NR3C2: variants seen among roughly 807,000 people sequenced by gnomAD.
The protein encoded by NR3C2 is nuclear receptor subfamily 3 group C member 2.
NR3C2 carries 15 observed loss-of-function variants against 86.4 expected under a neutral mutation model. The observed-to-expected ratio is 0.17, with a 90% CI of 0.12 to 0.27. The LOEUF is 0.27. Among genes scored for constraint, NR3C2 ranks in the 10% least tolerant of loss-of-function variants. The pLI, the probability that NR3C2 is intolerant of heterozygous loss-of-function variation, is 1.00. For synonymous variants in NR3C2, 458 were observed against 450.5 expected (o/e 1.02, Z -0.21); for missense variants, 960 against 1,195.6 (o/e 0.80, Z 2.91).
chr4:148,154,967 G>C, intron 4 of NR3C2, 66 bp from the exon 5 acceptor site: 4 of 1,285,270 alleles, frequency 3.1e-6, no homozygotes, highest in Non-Finnish European at 4.4e-6. Flanking sequence ...ACTCACACTG[G>C]TTAAAGTACA....
intron 3 of NR3C2, among the ~76,000 whole-genome samples, chr4:148,216,263 G>A (rs1036896207): frequency 1.3e-5 from 2 of 152,032 alleles, no homozygotes; most frequent in Non-Finnish European, 2.9e-5. Flanking sequence ...TACAAAAATA[G>A]TCAGGGGGCC....
chr4:148,118,904 C>G (rs977564094), intron 7 of NR3C2, among the ~76,000 whole-genome samples: 5 of 152,138 alleles, frequency 3.3e-5, no homozygotes, highest in African/African-American at 1.2e-4. Flanking sequence ...GGTAATACCC[C>G]CCATTATTTC....
chr4:148,236,809 C>G (rs1360211749), intron 3 of NR3C2, among the ~76,000 whole-genome samples: 1 of 152,184 alleles, frequency 6.6e-6, no homozygotes, highest in Non-Finnish European at 1.5e-5. Flanking sequence ...TACACCAAAA[C>G]TTTCCCAGGC....
chr4:148,081,595 T>C, intron 8 of NR3C2, 96 bp from the exon 9 acceptor site: 1 of 1,547,214 alleles, frequency 6.5e-7, no homozygotes, highest in Non-Finnish European at 8.9e-7. Context: ...AATGACAACA[T>C]TTAGAAAGCC....
chr4:148,330,617 G>A (rs971800190), intron 2 of NR3C2, among the ~76,000 whole-genome samples: 1 of 152,106 alleles, frequency 6.6e-6, no homozygotes, highest in Admixed American at 6.5e-5. Flanking sequence ...CCTATGTTTC[G>A]CACTAATGTG....
Position 148,155,964 on chromosome 4 carries a change from G to T in NR3C2, c.2015-1063C>A, listed in dbSNP as rs535327236. On this transcript the variant is annotated intron_variant, in intron 4 of 8. Coordinates refer to ENST00000358102, the MANE Select transcript of NR3C2 (RefSeq NM_000901.5). Reference sequence around the variant, plus strand: ...GCCCTCAGAAATAACGCCACATATCGACAACTATCTGATCTTTGACAAACC... The same window carrying T: ...GCCCTCAGAAATAACGCCACATATCTACAACTATCTGATCTTTGACAAACC... 2.1e-3 allele frequency among the ~76,000 whole-genome samples: 319 copies of T among 152,112 alleles called. 3 individuals are homozygous for T. Among genetic ancestry groups the T allele is most frequent in the African/African-American group, 6.4e-3 (266 of 41,450 alleles).
chr4:148,119,603 T>C (rs747310003), intron 7 of NR3C2, among the ~76,000 whole-genome samples: 4 of 152,136 alleles, frequency 2.6e-5, no homozygotes, highest in Non-Finnish European at 5.9e-5. Context: ...CTGGCCAACA[T>C]GGTGAAAGCC....
chr4:148,201,897 C>T (rs1331567621), intron 3 of NR3C2, among the ~76,000 whole-genome samples: 1 of 152,134 alleles, frequency 6.6e-6, no homozygotes. Flanking sequence ...ACCCTTTTAT[C>T]AAGCAAGACA....
chr4:148,224,073 G>GA (rs1738010243), intron 3 of NR3C2, among the ~76,000 whole-genome samples: 1 of 151,734 alleles, frequency 6.6e-6, no homozygotes, highest in South Asian at 2.1e-4. Flanking sequence ...GAAAAGACCA[G>GA]AGAGTCAAGA....
chr4:148,212,152 T>C (rs1353296386), intron 3 of NR3C2, among the ~76,000 whole-genome samples: 4 of 152,220 alleles, frequency 2.6e-5, no homozygotes, highest in Non-Finnish European at 5.9e-5. Context: ...CAGCACTGCA[T>C]TATCTTAATT....
chr4:148,154,924 AG>A, intron 4 of NR3C2, 23 bp from the exon 5 acceptor site: 1 of 1,529,356 alleles, frequency 6.5e-7, no homozygotes, highest in Non-Finnish European at 8.8e-7. Context: ...ATAAATGATA[AG>A]GCCAAATTAA....
At chr4:148,391,403 C>A (rs1747547670) in intron 2 of NR3C2, among the ~76,000 whole-genome samples, 1 of 152,108 alleles carries the variant, frequency 6.6e-6, no homozygotes, top group Non-Finnish European at 1.5e-5. Context: ...CAAATACTGT[C>A]TTTGGCCTTG....
At chr4:148,236,095 T>C (rs1259537248) in intron 3 of NR3C2, among the ~76,000 whole-genome samples, 3 of 152,174 alleles carry the variant, frequency 2.0e-5, no homozygotes, top group Non-Finnish European at 4.4e-5. Context: ...TGACGTCCCC[T>C]TGGGAATGGC....
intron 6 of NR3C2, among the ~76,000 whole-genome samples, chr4:148,145,434 T>C (rs1733822350): frequency 6.6e-6 from 1 of 152,202 alleles, no homozygotes; most frequent in African/African-American, 2.4e-5. Flanking sequence ...ACACTTGATC[T>C]CCCAAGTCAC....
chr4:148,227,143 T>G (rs1738216908), intron 3 of NR3C2, among the ~76,000 whole-genome samples: 1 of 152,184 alleles, frequency 6.6e-6, no homozygotes, highest in African/African-American at 2.4e-5. Context: ...CTTTTCGTGG[T>G]TCAGGGTCCA....
chr4:148,321,779 C>T (rs1268920252), intron 2 of NR3C2, among the ~76,000 whole-genome samples: 3 of 152,150 alleles, frequency 2.0e-5, no homozygotes, highest in South Asian at 2.1e-4. Flanking sequence ...TGTCTCTGCA[C>T]ATGAGATGGG....
At chr4:148,109,574 C>T (rs77441701) in intron 8 of NR3C2, among the ~76,000 whole-genome samples, 4,177 of 152,280 alleles carry the variant, frequency 0.027, 188 homozygotes, top group African/African-American at 0.094. Flanking sequence ...GCATTATGCT[C>T]CAGTCACCTC....
At chr4:148,334,114 A>G (rs1744365633) in intron 2 of NR3C2, among the ~76,000 whole-genome samples, 1 of 152,220 alleles carries the variant, frequency 6.6e-6, no homozygotes, top group South Asian at 2.1e-4. Flanking sequence ...TTGAGCATAA[A>G]GATTACAGAA....
At chr4:148,358,189 T>C (rs1393114200) in intron 2 of NR3C2, among the ~76,000 whole-genome samples, 1 of 152,088 alleles carries the variant, frequency 6.6e-6, no homozygotes, top group Non-Finnish European at 1.5e-5. Context: ...TATTGCGGCA[T>C]TATTCACAAT....
Sources: allele counts gnomAD v4.1 joint callset (sites outside exome capture counted in the v4.1 genomes callset), GRCh38; gene constraint gnomAD v4.1.1; transcripts MANE v1.5; gene names NCBI Gene and HGNC (gene_info 2026-07-23, HGNC 2026-07-21).